TACR1: variants seen among roughly 807,000 people sequenced by gnomAD.
The protein encoded by TACR1 is tachykinin receptor 1.
A neutral mutation model predicts 35.8 loss-of-function variants in TACR1; 25 were observed. That is an observed-to-expected ratio of 0.70 (90% CI 0.51 to 0.98). The LOEUF is 0.98. Ranked by LOEUF, TACR1 falls within the 50% of genes least tolerant of loss-of-function variation. The pLI is 0.00. For missense variants in TACR1, 478 were observed against 522.9 expected, an observed-to-expected ratio of 0.91 and a Z score of 0.84; for synonymous variants, 195 against 206.7, an observed-to-expected ratio of 0.94 and a Z score of 0.48.
chr2:75,195,393 C>T (rs1437298408), intron 1 of TACR1, among the ~76,000 whole-genome samples: 1 of 131,336 alleles, frequency 7.6e-6, no homozygotes, highest in Non-Finnish European at 1.5e-5. Flanking sequence ...CTCCTACCTT[C>T]CCTTCCTTTC....
intron 2 of TACR1, among the ~76,000 whole-genome samples, chr2:75,070,272 T>C (rs1278194162): frequency 6.6e-6 from 1 of 151,624 alleles, no homozygotes; most frequent in Non-Finnish European, 1.5e-5. Context: ...TGTGTGTGTT[T>C]TGAGCACTTC....
intron 1 of TACR1, among the ~76,000 whole-genome samples, chr2:75,163,674 G>A (rs546754918): frequency 1.8e-3 from 275 of 152,138 alleles, no homozygotes; most frequent in African/African-American, 6.2e-3. Context: ...GATATTCAAC[G>A]TTGTTTTCAT....
At chr2:75,076,977 TATTATC>T (rs1672993200) in intron 2 of TACR1, among the ~76,000 whole-genome samples, 1 of 152,216 alleles carries the variant, frequency 6.6e-6, no homozygotes, top group South Asian at 2.1e-4. Context: ...CTATTATTAT[TATTATC>T]ATTTGAGACA....
intron 1 of TACR1, among the ~76,000 whole-genome samples, chr2:75,126,177 A>G (rs1674068653): frequency 6.6e-6 from 1 of 151,734 alleles, no homozygotes; most frequent in Non-Finnish European, 1.5e-5. Flanking sequence ...GTGGTATTTG[A>G]TTTTCTGTTC....
intron 1 of TACR1, among the ~76,000 whole-genome samples, chr2:75,142,439 C>G (rs1405416015): frequency 6.6e-6 from 1 of 152,166 alleles, no homozygotes; most frequent in Non-Finnish European, 1.5e-5. Flanking sequence ...TCCTGTCTCT[C>G]TTATAAGCTC....
intron 1 of TACR1, 38 bp downstream of exon 1, chr2:75,198,508 T>A: frequency 6.2e-7 from 1 of 1,600,384 alleles, no homozygotes; most frequent in Non-Finnish European, 8.5e-7. Flanking sequence ...TGGTCCTCTA[T>A]GAGCACTTTC....
At chr2:75,151,421 G>T (rs1253151333) in intron 1 of TACR1, among the ~76,000 whole-genome samples, 1 of 152,196 alleles carries the variant, frequency 6.6e-6, no homozygotes, top group South Asian at 2.1e-4. Context: ...TGGCTGAAAG[G>T]GGCCAATGTA....
At chr2:75,121,254 A>T (rs992917087) in intron 1 of TACR1, among the ~76,000 whole-genome samples, 2 of 152,234 alleles carry the variant, frequency 1.3e-5, no homozygotes, top group African/African-American at 4.8e-5. Flanking sequence ...GGAAGTAAAC[A>T]TGTCTCTGTG....
chr2:75,105,546 G>A (rs1314452615), intron 2 of TACR1, among the ~76,000 whole-genome samples: 1 of 151,940 alleles, frequency 6.6e-6, no homozygotes, highest in Non-Finnish European at 1.5e-5. Flanking sequence ...TGAAAGAAAT[G>A]ATAAGTATTG....
At position 75,106,220 on chromosome 2, in the gene TACR1, C is replaced by T. The variant is rs1572933644; in HGVS notation, c.584+14354G>A. ...TCATCGAAAGTTAACATAAATAATA[C>T]ATGAATTACAAACTATTCTATTTAT... On this transcript the variant is annotated intron_variant, in intron 2 of 4. Coordinates refer to ENST00000305249, the MANE Select transcript of TACR1 (RefSeq NM_001058.4). 2.0e-5 allele frequency among the ~76,000 whole-genome samples: 3 copies of T among 151,882 alleles called. No homozygotes were observed. In the East Asian group the frequency reaches 5.8e-4, roughly 29 times the overall value.
chr2:75,053,879 C>A, intron 2 of TACR1, 124 bp from the exon 3 acceptor site: 1 of 1,357,226 alleles, frequency 7.4e-7, no homozygotes, highest in African/African-American at 1.4e-5. Context: ...CATTAATAAG[C>A]TTGGGCTGTA....
At chr2:75,186,229 G>A (rs1675692906) in intron 1 of TACR1, among the ~76,000 whole-genome samples, 1 of 151,624 alleles carries the variant, frequency 6.6e-6, no homozygotes. Context: ...AAAATTAGCT[G>A]GGTTTGGTGG....
intron 1 of TACR1, among the ~76,000 whole-genome samples, chr2:75,157,315 C>A (rs1674887489): frequency 6.6e-6 from 1 of 152,132 alleles, no homozygotes; most frequent in Admixed American, 6.5e-5. Context: ...TCCTCCTCAC[C>A]CACCTATGGA....
chr2:75,072,767 T>C (rs564526373), intron 2 of TACR1, among the ~76,000 whole-genome samples: 1 of 152,306 alleles, frequency 6.6e-6, no homozygotes, highest in African/African-American at 2.4e-5. Context: ...CTGGCACACA[T>C]CTGGTGTCCT....
chr2:75,048,245 A>C lies in TACR1; in HGVS notation c.*1187T>G, dbSNP rs1672397638. The C allele has an allele frequency of 6.6e-6, 1 of 152,232 alleles. No individual in the cohort carries two copies. 9.4% of individuals were successfully genotyped at this position (152,232 alleles called of 1,614,324 possible). ...TTGTCGCACATATGAGCACGATGCT[A>C]GTGTAAAACTAAGAATGAAGGTTAG... On this transcript the variant is annotated 3_prime_UTR_variant, in exon 5 of 5. Transcript: ENST00000305249.
In TACR1 at chr2:75,115,992, T is replaced by C. The variant is rs147453686; in HGVS notation, c.584+4582A>G. On this transcript the variant is annotated intron_variant, in intron 2 of 4. Coordinates refer to ENST00000305249, the MANE Select transcript of TACR1 (RefSeq NM_001058.4). ...ACATACTGAGTTTAAAAAAACAAGG[T>C]GCATAACAGTGTGCATAATAGGCTA... is the stretch of plus-strand genomic sequence containing the variant. Among the ~76,000 whole-genome samples, 178 of 150,562 alleles carry C rather than the reference T, an allele frequency of 1.2e-3. No homozygotes were observed. In the Middle Eastern group the frequency reaches 0.024, roughly 20 times the overall value.
chr2:75,110,366 G>A (rs1018079371), intron 2 of TACR1, among the ~76,000 whole-genome samples: 2 of 151,274 alleles, frequency 1.3e-5, no homozygotes, highest in African/African-American at 2.4e-5. Flanking sequence ...ATTTAAAAAT[G>A]CAGTCAAGGC....
chr2:75,060,276 G>A (rs1031366158), intron 2 of TACR1, among the ~76,000 whole-genome samples: 14 of 152,140 alleles, frequency 9.2e-5, no homozygotes, highest in Non-Finnish European at 1.9e-4. Flanking sequence ...TTCAAATATA[G>A]ATACAATGTA....
At chr2:75,161,780 A>G (rs1025966031) in intron 1 of TACR1, among the ~76,000 whole-genome samples, 1 of 152,150 alleles carries the variant, frequency 6.6e-6, no homozygotes, top group Non-Finnish European at 1.5e-5. Flanking sequence ...GGTCAGAAGC[A>G]TGTGAAAAAC....
Sources: gnomAD v4.1 joint callset for allele counts (sites outside exome capture counted in the v4.1 genomes callset) on GRCh38, gnomAD v4.1.1 for gene constraint, MANE v1.5 for transcripts, NCBI Gene and HGNC (gene_info 2026-07-23, HGNC 2026-07-21) for gene names.